NAALADL2: variants seen among roughly 807,000 people sequenced by gnomAD.
NAALADL2 encodes N-acetylated alpha-linked acidic dipeptidase like 2, also known as inactive N-acetylated-alpha-linked acidic dipeptidase-like protein 2.
A neutral mutation model predicts 87.2 loss-of-function variants in NAALADL2; 76 were observed. The observed-to-expected ratio is 0.87, with a 90% CI of 0.72 to 1.05. The LOEUF is 1.05. Among genes scored for constraint, NAALADL2 ranks in the 50% least tolerant of loss-of-function variants. The pLI, the probability that NAALADL2 is intolerant of heterozygous loss-of-function variation, is 0.00. For synonymous variants in NAALADL2, 354 were observed against 331.0 expected, an observed-to-expected ratio of 1.07 and a Z score of -0.75; for missense variants, 1,089 against 945.8, an observed-to-expected ratio of 1.15 and a Z score of -1.99.
chr3:175,443,961 C>T (rs1210945311), intron 5 of NAALADL2, among the ~76,000 whole-genome samples: 2 of 152,118 alleles, frequency 1.3e-5, no homozygotes, highest in African/African-American at 4.8e-5. Flanking sequence ...ACTTTAGATG[C>T]ATGTGATGCA....
At chr3:175,767,277 G>A (rs1329583635) in intron 13 of NAALADL2, among the ~76,000 whole-genome samples, 3 of 151,960 alleles carry the variant, frequency 2.0e-5, no homozygotes, top group Non-Finnish European at 2.9e-5. Context: ...GTTTATAAGG[G>A]CAATAATGGA....
intron 4 of NAALADL2, among the ~76,000 whole-genome samples, chr3:175,268,349 T>G (rs1752285946): frequency 6.6e-6 from 1 of 152,114 alleles, no homozygotes; most frequent in African/African-American, 2.4e-5. Context: ...CAAAAACTGG[T>G]ATACCTGTAT....
chr3:174,842,444 T>G (rs1198379292), intron 3 of NAALADL2, among the ~76,000 whole-genome samples: 1 of 152,202 alleles, frequency 6.6e-6, no homozygotes, highest in Non-Finnish European at 1.5e-5. Flanking sequence ...TGACTTTTTG[T>G]GTCTGAAAAG....
intron 2 of NAALADL2, among the ~76,000 whole-genome samples, chr3:174,666,186 G>A (rs1725939044): frequency 6.6e-6 from 1 of 152,084 alleles, no homozygotes; most frequent in South Asian, 2.1e-4. Context: ...GCATAAAATA[G>A]CATGTAAGTA....
At chr3:175,426,592 T>C (rs571648417) in intron 5 of NAALADL2, among the ~76,000 whole-genome samples, 39 of 152,312 alleles carry the variant, frequency 2.6e-4, no homozygotes, top group African/African-American at 8.4e-4. Context: ...TTTATGGCAA[T>C]TCAACGTTTG....
chr3:175,147,411 A>T (rs1308178331), intron 2 of NAALADL2, among the ~76,000 whole-genome samples: 1 of 152,130 alleles, frequency 6.6e-6, no homozygotes, highest in South Asian at 2.1e-4. Flanking sequence ...TGCTACACAG[A>T]ACATGGTTTT....
chr3:174,629,783 G>A (rs1205068667), intron 2 of NAALADL2, among the ~76,000 whole-genome samples: 5 of 152,132 alleles, frequency 3.3e-5, no homozygotes, highest in East Asian at 1.9e-4. Context: ...GTATGTATGC[G>A]TATGTTACAG....
At chr3:174,613,571 G>C (rs1455022860) in intron 2 of NAALADL2, among the ~76,000 whole-genome samples, 3 of 152,184 alleles carry the variant, frequency 2.0e-5, no homozygotes, top group Non-Finnish European at 4.4e-5. Flanking sequence ...TGGCACCATA[G>C]GACAATGGGG....
At chr3:174,676,559 A>G (rs1727057668) in intron 2 of NAALADL2, among the ~76,000 whole-genome samples, 1 of 152,024 alleles carries the variant, frequency 6.6e-6, no homozygotes, top group South Asian at 2.1e-4. Flanking sequence ...CTGAAATCCT[A>G]CAACTATGCA....
intron 1 of NAALADL2, among the ~76,000 whole-genome samples, chr3:174,923,572 T>A (rs1433413018): frequency 2.0e-5 from 3 of 152,176 alleles, no homozygotes; most frequent in Admixed American, 2.0e-4. Context: ...ATTTGCATAG[T>A]ATCTTTGATT....
intron 1 of NAALADL2, among the ~76,000 whole-genome samples, chr3:175,048,901 G>A (rs1755011485): frequency 6.6e-6 from 1 of 152,024 alleles, no homozygotes; most frequent in African/African-American, 2.4e-5. Flanking sequence ...GGGAGTTTGT[G>A]ATTCTTTTAC....
At chr3:174,701,125 A>AT (rs1454152751) in intron 2 of NAALADL2, among the ~76,000 whole-genome samples, 1 of 151,858 alleles carries the variant, frequency 6.6e-6, no homozygotes, top group Non-Finnish European at 1.5e-5. Context: ...TTCTTTATAT[A>AT]TTTACATTAT....
At chr3:174,684,697 T>C (rs1727864805) in intron 2 of NAALADL2, among the ~76,000 whole-genome samples, 2 of 152,148 alleles carry the variant, frequency 1.3e-5, no homozygotes, top group South Asian at 4.1e-4. Context: ...TTCTATGACA[T>C]AGGACAGGCA....
At chr3:175,544,791 C>T (rs1421412827) in intron 9 of NAALADL2, among the ~76,000 whole-genome samples, 1 of 152,042 alleles carries the variant, frequency 6.6e-6, no homozygotes, top group Non-Finnish European at 1.5e-5. Context: ...GCCACTCTGC[C>T]TGAAAATCCA....
At chr3:175,643,883 G>T (rs1176310854) in intron 11 of NAALADL2, among the ~76,000 whole-genome samples, 1 of 152,084 alleles carries the variant, frequency 6.6e-6, no homozygotes, top group African/African-American at 2.4e-5. Context: ...AAGCTAAGTG[G>T]ATGCTTATAT....
At chr3:175,632,991 G>A (rs1728007860) in intron 11 of NAALADL2, among the ~76,000 whole-genome samples, 1 of 152,106 alleles carries the variant, frequency 6.6e-6, no homozygotes, top group African/African-American at 2.4e-5. Flanking sequence ...CAGGTTACAG[G>A]AAATTTCCAT....
At chr3:175,504,565 T>TTCTCTCTCTCTCTCTCTCTC (rs200985901) in intron 9 of NAALADL2, among the ~76,000 whole-genome samples, 7 of 134,320 alleles carry the variant, frequency 5.2e-5, no homozygotes, top group Non-Finnish European at 1.1e-4. Context: ...CTCTCTCTGT[T>TTCTCTCTCTCTCTCTCTCTC]TCTCTCTCTC....
intron 1 of NAALADL2, among the ~76,000 whole-genome samples, chr3:174,471,452 A>G (rs563688849): frequency 4.3e-4 from 65 of 152,112 alleles, no homozygotes; most frequent in Non-Finnish European, 7.4e-4. Context: ...ATTGATAAAG[A>G]TCTTCTAATA....
chr3:174,838,793 A>G (rs1197061689), intron 3 of NAALADL2, among the ~76,000 whole-genome samples: 2 of 152,220 alleles, frequency 1.3e-5, no homozygotes, highest in Non-Finnish European at 2.9e-5. Context: ...CTAACCAAGG[A>G]GGTGAAAAAC....
Sources: allele counts gnomAD v4.1 joint callset (sites outside exome capture counted in the v4.1 genomes callset), GRCh38; gene constraint gnomAD v4.1.1; transcripts MANE v1.5; gene names NCBI Gene and HGNC (gene_info 2026-07-23, HGNC 2026-07-21).